PARD3B: variants seen among roughly 807,000 people sequenced by gnomAD.
PARD3B encodes the protein partitioning defective 3 homolog B.
Under a neutral mutation model 130.2 loss-of-function variants are expected in PARD3B, and 103 were observed. That is an observed-to-expected ratio of 0.79 (90% CI 0.67 to 0.93). The LOEUF is 0.93. Among genes scored for constraint, PARD3B ranks in the 40% least tolerant of loss-of-function variants. PARD3B has a pLI of 0.00. For missense variants in PARD3B, 1,609 were observed against 1,499.2 expected (o/e 1.07, Z -1.21); for synonymous variants, 583 against 553.2 (o/e 1.05, Z -0.76).
chr2:205,519,127 G>A (rs563611417), intron 21 of PARD3B, among the ~76,000 whole-genome samples: 1 of 152,142 alleles, frequency 6.6e-6, no homozygotes, highest in Non-Finnish European at 1.5e-5. Context: ...TTTGACCGTT[G>A]GCCTGTCTAG....
intron 2 of PARD3B, among the ~76,000 whole-genome samples, chr2:204,796,955 A>G (rs978274039): frequency 6.6e-6 from 1 of 152,140 alleles, no homozygotes; most frequent in African/African-American, 2.4e-5. Flanking sequence ...TGGGTGGATC[A>G]TTTCAGGTCT....
chr2:205,020,379 G>A (rs1575570279), intron 3 of PARD3B, among the ~76,000 whole-genome samples: 1 of 152,202 alleles, frequency 6.6e-6, no homozygotes, highest in Non-Finnish European at 1.5e-5. Flanking sequence ...TTGAGGGGAA[G>A]GAATAGGTTT....
chr2:205,534,066 A>C (rs1419107676), intron 21 of PARD3B, among the ~76,000 whole-genome samples: 2 of 145,164 alleles, frequency 1.4e-5, no homozygotes, highest in Admixed American at 6.7e-5. Flanking sequence ...AAAAAAAAAA[A>C]AAAGGGACAA....
intron 18 of PARD3B, among the ~76,000 whole-genome samples, chr2:205,327,296 C>T (rs2042968824): frequency 6.6e-6 from 1 of 152,170 alleles, no homozygotes; most frequent in African/African-American, 2.4e-5. Context: ...TTCAGCTTTT[C>T]ATTTTTATCG....
chr2:204,866,238 G>T (rs1183140756), intron 2 of PARD3B, among the ~76,000 whole-genome samples: 1 of 152,138 alleles, frequency 6.6e-6, no homozygotes, highest in Non-Finnish European at 1.5e-5. Flanking sequence ...TAGGTCCAGG[G>T]AGCTCAAAAT....
At chr2:205,073,128 A>G (rs1258397879) in intron 4 of PARD3B, among the ~76,000 whole-genome samples, 1 of 152,192 alleles carries the variant, frequency 6.6e-6, no homozygotes, top group Non-Finnish European at 1.5e-5. Flanking sequence ...TTTTTTGGTT[A>G]CTATTCCAAT....
rs543833007 is a variant in PARD3B at position 204,897,002 on chromosome 2, T to TAAAAGGA, written c.223-68147_223-68141dup. Among the ~76,000 whole-genome samples, 986 of 152,284 alleles carry TAAAAGGA rather than the reference T, an allele frequency of 6.5e-3. 7 individuals are homozygous for TAAAAGGA. Among genetic ancestry groups the TAAAAGGA allele is most frequent in the African/African-American group, 0.022 (924 of 41,558 alleles). On this transcript the variant is annotated intron_variant, in intron 2 of 22. Coordinates refer to ENST00000406610, the MANE Select transcript of PARD3B (RefSeq NM_001302769.2). ...AAAGATTTTAGCAAGTGAACAATAA[T>TAAAAGGA]AAAAGGAAATTAATTGTGTGCTATT...
intron 22 of PARD3B, among the ~76,000 whole-genome samples, chr2:205,604,781 G>C (rs2054922971): frequency 6.6e-6 from 1 of 152,156 alleles, no homozygotes; most frequent in Admixed American, 6.5e-5. Context: ...AGTTCTCCTG[G>C]ATGATGTCCT....
chr2:205,203,812 A>G (rs1221522374), intron 15 of PARD3B, among the ~76,000 whole-genome samples: 2 of 152,200 alleles, frequency 1.3e-5, no homozygotes, highest in Admixed American at 1.3e-4. Context: ...ATAGTATTCC[A>G]TGGTGCATGT....
At chr2:205,502,052 G>C (rs2050176711) in intron 21 of PARD3B, among the ~76,000 whole-genome samples, 1 of 152,074 alleles carries the variant, frequency 6.6e-6, no homozygotes, top group African/African-American at 2.4e-5. Flanking sequence ...TGTTCTTTGT[G>C]ACTGCCTGAG....
intron 3 of PARD3B, among the ~76,000 whole-genome samples, chr2:205,043,329 A>T (rs1426557759): frequency 6.6e-6 from 1 of 152,076 alleles, no homozygotes; most frequent in Non-Finnish European, 1.5e-5. Flanking sequence ...GGAGTCCTGT[A>T]TGAAAATTAC....
At chr2:204,782,259 G>T (rs1469675074) in intron 2 of PARD3B, among the ~76,000 whole-genome samples, 4 of 151,078 alleles carry the variant, frequency 2.6e-5, no homozygotes, top group Admixed American at 2.6e-4. Flanking sequence ...ATGCATGAGA[G>T]AATGTTTTTT....
At chr2:204,737,092 A>C (rs1411226883) in intron 2 of PARD3B, among the ~76,000 whole-genome samples, 1 of 152,012 alleles carries the variant, frequency 6.6e-6, no homozygotes, top group Non-Finnish European at 1.5e-5. Context: ...AATTACAGCT[A>C]TGGAATTACA....
intron 2 of PARD3B, among the ~76,000 whole-genome samples, chr2:204,824,778 G>C (rs1377350429): frequency 5.9e-5 from 9 of 152,050 alleles, no homozygotes; most frequent in Non-Finnish European, 1.3e-4. Flanking sequence ...CACTTCCAAG[G>C]CTTCTAATGC....
At chr2:205,014,109 C>T (rs1283949085) in intron 3 of PARD3B, among the ~76,000 whole-genome samples, 1 of 152,166 alleles carries the variant, frequency 6.6e-6, no homozygotes, top group Admixed American at 6.5e-5. Flanking sequence ...TTCATATTGG[C>T]ATGCTGGTAC....
intron 18 of PARD3B, among the ~76,000 whole-genome samples, chr2:205,365,565 T>C (rs947168072): frequency 6.7e-6 from 1 of 150,278 alleles, no homozygotes; most frequent in South Asian, 2.1e-4. Context: ...TTTTTTTTTT[T>C]CTAATCTACA....
At chr2:205,175,473 T>C (rs2035414631) in intron 12 of PARD3B, among the ~76,000 whole-genome samples, 1 of 152,242 alleles carries the variant, frequency 6.6e-6, no homozygotes, top group Non-Finnish European at 1.5e-5. Flanking sequence ...TTAGATATTT[T>C]GTGTGACTAG....
Position 205,253,745 on chromosome 2 carries a change from C to T in PARD3B, c.2185+7923C>T, listed in dbSNP as rs2039954788. On this transcript the variant is annotated intron_variant, in intron 16 of 22. Coordinates refer to ENST00000406610, the MANE Select transcript of PARD3B (RefSeq NM_001302769.2). The surrounding 1 kb of genome is among the most constrained non-coding windows in gnomAD (Gnocchi z 4.4). ...GCATGAGCTGTGCAGCAGCAAGATTCCATATGAGCAAAGTGCAGAAAGTGA... is the reference window on the plus strand; with the variant it reads ...GCATGAGCTGTGCAGCAGCAAGATTTCATATGAGCAAAGTGCAGAAAGTGA... 6.6e-6 allele frequency among the ~76,000 whole-genome samples: 1 copy of T among 151,998 alleles called. No homozygotes were observed. Among genetic ancestry groups the T allele is most frequent in the Non-Finnish European group, 1.5e-5 (1 of 67,976 alleles).
rs1703164388 is a variant in PARD3B, at chr2:205,105,801, T to C, written c.593+1287T>C. On this transcript the variant is annotated intron_variant, in intron 5 of 22. Transcript: ENST00000406610. The surrounding 1 kb of genome is among the most constrained non-coding windows in gnomAD (Gnocchi z 4.0). Reference sequence around the variant, plus strand: ...AAGAAAAAAAAAAGGCGGGGGGATATGGGGTAGGGAGTAATAGAAAATCTT... The same window carrying C: ...AAGAAAAAAAAAAGGCGGGGGGATACGGGGTAGGGAGTAATAGAAAATCTT... 1.3e-5 allele frequency among the ~76,000 whole-genome samples: 2 copies of C among 150,428 alleles called. No homozygotes were observed. Among genetic ancestry groups the C allele is most frequent in the Admixed American group, 1.3e-4 (2 of 15,122 alleles).
Sources: allele counts gnomAD v4.1 joint callset (sites outside exome capture counted in the v4.1 genomes callset), GRCh38; gene constraint gnomAD v4.1.1; non-coding constraint Gnocchi (gnomAD v3.1); transcripts MANE v1.5; gene names NCBI Gene and HGNC (gene_info 2026-07-23, HGNC 2026-07-21).